The following CDC14A variants were observed in gnomAD, a reference collection of about 807,000 sequenced individuals.
The protein encoded by CDC14A is cell division cycle 14A.
In CDC14A, 53 loss-of-function variants were observed where a neutral mutation model predicts 74.4. The observed-to-expected ratio is 0.71, with a 90% CI of 0.57 to 0.89. CDC14A has a LOEUF of 0.89. Among genes scored for constraint, CDC14A ranks in the 40% least tolerant of loss-of-function variants. The pLI is 0.00. For missense variants in CDC14A, 646 were observed against 713.7 expected (o/e 0.91, Z 1.08); for synonymous variants, 247 against 258.4 (o/e 0.96, Z 0.43).
intron 5 of CDC14A, among the ~76,000 whole-genome samples, chr1:100,424,605 T>G (rs1235539850): frequency 6.6e-6 from 1 of 152,206 alleles, no homozygotes; most frequent in African/African-American, 2.4e-5. Flanking sequence ...ATTTGTTGGA[T>G]TTCAGTAATC....
In CDC14A at chr1:100,438,605, A is replaced by T. The variant is rs190901456; in HGVS notation, c.390-1327A>T. The stretch of plus-strand genomic sequence containing the variant: ...GAGTTCAGATGATATTTAAAAACAC[A>T]AAAACAAAGATCCCTCCTTTTGAAA... On this transcript the variant is annotated intron_variant, in intron 5 of 15. Coordinates refer to ENST00000336454, the MANE Select transcript of CDC14A (RefSeq NM_003672.4). 2.0e-5 allele frequency among the ~76,000 whole-genome samples: 3 copies of T among 152,358 alleles called. No homozygotes were observed. In the East Asian group the frequency reaches 5.8e-4, roughly 29 times the overall value.
chr1:100,411,509 T>C (rs1325975893), intron 4 of CDC14A, among the ~76,000 whole-genome samples: 2 of 152,172 alleles, frequency 1.3e-5, no homozygotes, highest in Non-Finnish European at 2.9e-5. Context: ...TCGGAGTTTT[T>C]TGGGTGTGTG....
In CDC14A at chr1:100,508,965, G is replaced by C. The variant is rs28364902; in HGVS notation, c.1756-9286G>C. Among the ~76,000 whole-genome samples, 103 of 152,176 alleles carry C rather than the reference G, an allele frequency of 6.8e-4. 1 individual carries two copies. The highest frequency in any genetic ancestry group is 2.4e-3 in the African/African-American group (100 of 41,522). On this transcript the variant is annotated intron_variant, in intron 15 of 15. Transcript: ENST00000336454. This position sits in a 1 kb window ranked among gnomAD's most constrained non-coding sequence, Gnocchi z 4.4. ...AGGGTAGTTTGGAGTGTACCATCTC[G>C]ACATGAAGTAGGTCCAGTCTCTGCA...
chr1:100,346,631 C>CAA (rs200477363), intron 1 of CDC14A, among the ~76,000 whole-genome samples: 831 of 77,932 alleles, frequency 0.011, 8 homozygotes, highest in African/African-American at 0.035. Context: ...GACTCTGTCT[C>CAA]AAAAAAAAAA....
intron 1 of CDC14A, 115 bp from the exon 2 acceptor site, chr1:100,353,647 A>G: frequency 1.6e-6 from 1 of 632,508 alleles, no homozygotes; most frequent in Non-Finnish European, 2.8e-6. Flanking sequence ...TTCTGCAAGA[A>G]TTCCACGTGT....
In CDC14A at chr1:100,424,269, G is replaced by A. The variant is rs184524418; in HGVS notation, c.357G>A (p.Leu119=). ...CAGAAGAAGCCTACAGAGCACTCCT[G>A]TCTGGCTCAAACCCCCCCTATCTTC... ...KTPEEAYRAL[L]SGSNPPYLPF... The change falls in exon 5 of 16, where the codon CTG becomes CTA. Residue 119 remains leucine (L), a synonymous_variant. Transcript: ENST00000336454. 28 of 1,613,462 alleles carry A rather than the reference G, an allele frequency of 1.7e-5. No individual in the cohort carries two copies. The South Asian group carries it at 2.6e-4, about 15-fold the overall frequency.
intron 11 of CDC14A, among the ~76,000 whole-genome samples, chr1:100,489,085 G>C (rs1302491147): frequency 6.6e-6 from 1 of 152,180 alleles, no homozygotes; most frequent in Non-Finnish European, 1.5e-5. Flanking sequence ...GATGTGGGCA[G>C]CTCTGATAAA....
chr1:100,444,389 T>A (rs569251338), intron 7 of CDC14A, among the ~76,000 whole-genome samples: 1 of 152,274 alleles, frequency 6.6e-6, no homozygotes, highest in South Asian at 2.1e-4. Flanking sequence ...AGAGTTCTCA[T>A]CTTGCTTGTC....
At chr1:100,466,889 A>AT (rs1463507447) in intron 9 of CDC14A, among the ~76,000 whole-genome samples, 6 of 146,858 alleles carry the variant, frequency 4.1e-5, no homozygotes, top group African/African-American at 1.6e-4. Context: ...AAAAAAAAAA[A>AT]AGAAGGGTTA....
intron 7 of CDC14A, among the ~76,000 whole-genome samples, chr1:100,446,351 T>C (rs1283056396): frequency 1.3e-5 from 2 of 152,034 alleles, no homozygotes; most frequent in Non-Finnish European, 2.9e-5. Flanking sequence ...ATAGAAAGAG[T>C]GCTACTTATA....
intron 9 of CDC14A, among the ~76,000 whole-genome samples, chr1:100,467,390 T>G (rs1046371747): frequency 3.3e-5 from 5 of 152,028 alleles, no homozygotes; most frequent in African/African-American, 1.2e-4. Context: ...CTACTTTGTT[T>G]TGTTTTACAC....
At chr1:100,475,309 T>C (rs1056272283) in intron 10 of CDC14A, among the ~76,000 whole-genome samples, 1 of 152,236 alleles carries the variant, frequency 6.6e-6, no homozygotes, top group African/African-American at 2.4e-5. Flanking sequence ...GTTTCATGTG[T>C]CTTTGTAATT....
intron 10 of CDC14A, among the ~76,000 whole-genome samples, chr1:100,469,447 C>A (rs1312485701): frequency 2.0e-5 from 3 of 152,126 alleles, no homozygotes; most frequent in South Asian, 4.1e-4. Context: ...TAAGATAATT[C>A]TGTTATTTTG....
At chr1:100,391,957 G>A (rs1657776460) in intron 4 of CDC14A, among the ~76,000 whole-genome samples, 1 of 152,242 alleles carries the variant, frequency 6.6e-6, no homozygotes, top group African/African-American at 2.4e-5. Context: ...TCTGTAGATA[G>A]CATGGTATAG....
chr1:100,345,237 C>T (rs1035242879), intron 1 of CDC14A: 1 of 152,074 alleles, frequency 6.6e-6, no homozygotes, highest in African/African-American at 2.4e-5. Context: ...AATTACAATA[C>T]CTAGATCCAA....
At chr1:100,398,938 G>A (rs1200279658) in intron 4 of CDC14A, among the ~76,000 whole-genome samples, 1 of 152,066 alleles carries the variant, frequency 6.6e-6, no homozygotes, top group Non-Finnish European at 1.5e-5. Flanking sequence ...AGGTGATGAT[G>A]CTTTTTCTGG....
In CDC14A at chr1:100,431,947, C is replaced by G. The variant is rs1163037637; in HGVS notation, c.389+7646C>G. On this transcript the variant is annotated intron_variant, in intron 5 of 15. Coordinates refer to ENST00000336454, the MANE Select transcript of CDC14A (RefSeq NM_003672.4). Reference sequence around the variant, plus strand: ...TTGGTCTGTTTTTCTGGTGTTATTGCTAGTTCTAGACAGATTTTATTCTGC... The same window carrying G: ...TTGGTCTGTTTTTCTGGTGTTATTGGTAGTTCTAGACAGATTTTATTCTGC... 3.3e-5 allele frequency among the ~76,000 whole-genome samples: 5 copies of G among 151,996 alleles called. No individual in the cohort carries two copies. The South Asian group carries it at 8.3e-4, about 25-fold the overall frequency.
intron 4 of CDC14A, among the ~76,000 whole-genome samples, chr1:100,397,077 A>G (rs531487914): frequency 4.1e-4 from 62 of 151,074 alleles, no homozygotes; most frequent in African/African-American, 1.4e-3. Context: ...GTGTTAGTGT[A>G]TTTTATGTGT....
intron 2 of CDC14A, among the ~76,000 whole-genome samples, chr1:100,373,272 A>G (rs573359730): frequency 9.2e-5 from 14 of 152,286 alleles, no homozygotes; most frequent in Admixed American, 3.9e-4. Flanking sequence ...AGGGAGAGAG[A>G]TGGGGGAATG....
Sources: gnomAD v4.1 joint callset for allele counts (sites outside exome capture counted in the v4.1 genomes callset) on GRCh38, gnomAD v4.1.1 for gene constraint, Gnocchi (gnomAD v3.1) non-coding constraint, MANE v1.5 for transcripts, NCBI Gene and HGNC (gene_info 2026-07-23, HGNC 2026-07-21) for gene names.